The following KMT2E variants were observed in gnomAD, a reference collection of about 807,000 sequenced individuals.
The protein encoded by KMT2E is histone reader KMT2E.
A neutral mutation model predicts 184.6 loss-of-function variants in KMT2E; 30 were observed. That is an observed-to-expected ratio of 0.16 (90% CI 0.12 to 0.22). The LOEUF (loss-of-function observed/expected upper bound fraction) is 0.22, where lower values mean the gene tolerates loss of function less well. Ranked by LOEUF, KMT2E falls within the 10% of genes least tolerant of loss-of-function variation. The pLI, the probability that KMT2E is intolerant of heterozygous loss-of-function variation, is 1.00. For missense variants in KMT2E, 2,023 were observed against 2,237.4 expected, an observed-to-expected ratio of 0.90 and a Z score of 1.93; for synonymous variants, 815 against 776.5, an observed-to-expected ratio of 1.05 and a Z score of -0.82.
intron 6 of KMT2E, among the ~76,000 whole-genome samples, chr7:105,067,957 G>T (rs540818734): frequency 6.7e-4 from 102 of 152,296 alleles, no homozygotes; most frequent in Admixed American, 1.4e-3. Flanking sequence ...AGATGACAGA[G>T]TGAGAGCCTG....
chr7:105,063,635 A>C (rs1193837852), intron 5 of KMT2E, 55 bp downstream of exon 5: 2 of 1,200,892 alleles, frequency 1.7e-6, no homozygotes, highest in Non-Finnish European at 2.3e-6. Context: ...AACCTTTGGT[A>C]ATGTTGGAAA....
intron 1 of KMT2E, among the ~76,000 whole-genome samples, chr7:105,015,292 A>G (rs1054906763): frequency 1.3e-5 from 2 of 152,210 alleles, no homozygotes. Context: ...GATGAGAAAC[A>G]AACGGTTCAC....
chr7:105,045,048 CTAATTCCTG>C (rs1796042595), intron 3 of KMT2E, among the ~76,000 whole-genome samples: 1 of 152,214 alleles, frequency 6.6e-6, no homozygotes, highest in African/African-American at 2.4e-5. Flanking sequence ...ATCTGTTCCT[CTAATTCCTG>C]TAATTGGGCA....
At chr7:105,085,720 G>A (rs1277721636) in intron 13 of KMT2E, among the ~76,000 whole-genome samples, 5 of 146,590 alleles carry the variant, frequency 3.4e-5, no homozygotes, top group African/African-American at 5.1e-5. Flanking sequence ...GTCTCGCTCT[G>A]TCGCCTAGGA....
intron 15 of KMT2E, among the ~76,000 whole-genome samples, chr7:105,093,859 C>T (rs1399606562): frequency 1.3e-5 from 2 of 152,100 alleles, no homozygotes; most frequent in Non-Finnish European, 2.9e-5. Context: ...TATATTCTGT[C>T]ATCTGCCACT....
chr7:105,113,873 G>A lies in KMT2E; in HGVS notation c.*540G>A. ...TGTCTCCTGACAAACTGTAAATACTGCATTTCTTTTGCGTATATAATTGCT... is the reference window on the plus strand; with the variant it reads ...TGTCTCCTGACAAACTGTAAATACTACATTTCTTTTGCGTATATAATTGCT... On this transcript the variant is annotated 3_prime_UTR_variant, in exon 27 of 27. Coordinates refer to ENST00000311117, the MANE Select transcript of KMT2E (RefSeq NM_182931.3). 1 of 154,874 alleles carries A rather than the reference G, an allele frequency of 6.5e-6. No individual in the cohort carries two copies. The highest frequency in any genetic ancestry group is 1.5e-5 in the Non-Finnish European group (1 of 68,416). The allele number at this position is 154,874 out of a possible 1,614,324, so 9.6% of individuals were successfully genotyped here. A position where few individuals can be genotyped will look rare whatever the true frequency, so the allele number is the denominator to read the frequency against.
intron 1 of KMT2E, among the ~76,000 whole-genome samples, chr7:105,036,862 A>C (rs1180486106): frequency 1.3e-5 from 2 of 152,234 alleles, no homozygotes; most frequent in African/African-American, 4.8e-5. Context: ...CTGTTAATGT[A>C]ATTGTAAGAT....
In KMT2E at chr7:105,062,235, G is replaced by A; in HGVS notation, c.143G>A (p.Ser48Asn). The change falls in exon 4 of 27, where the codon AGC (serine) becomes AAC (asparagine). Residue 48 changes from serine (S) to asparagine (N), a missense_variant. Physicochemically the swap from Ser to Asn is conservative, Grantham distance 46. Coordinates refer to ENST00000311117, the MANE Select transcript of KMT2E (RefSeq NM_182931.3). ...AGTTATCCCCACCAGTTATATACCA[G>A]CAGCTCACATCATTCACACAGTTAC... ...SNSYPHQLYT[S>N]SSHHSHSYIG... The A allele has an allele frequency of 1.2e-6, 2 of 1,613,516 alleles. No homozygotes were observed. Among genetic ancestry groups the A allele is most frequent in the Non-Finnish European group, 1.7e-6 (2 of 1,179,612 alleles).
chr7:105,104,833 T>C (rs1470241574), intron 17 of KMT2E: 1 of 152,140 alleles, frequency 6.6e-6, no homozygotes, highest in Non-Finnish European at 1.5e-5. Flanking sequence ...AAATTTAGTG[T>C]GTTTAATAAA....
intron 3 of KMT2E, among the ~76,000 whole-genome samples, chr7:105,043,450 A>G (rs1318017955): frequency 6.6e-6 from 1 of 151,466 alleles, no homozygotes; most frequent in Non-Finnish European, 1.5e-5. Flanking sequence ...TTTAGCCGGG[A>G]TGGTCTCGAT....
Position 105,091,272 on chromosome 7 carries a change from A to G in KMT2E, c.1680A>G (p.Glu560=). ...AAACTCCTATTAGTAATGAAGTAGAAATGGAATCAGAGGAGCAGATTGCAG... is the reference window on the plus strand; with the variant it reads ...AAACTCCTATTAGTAATGAAGTAGAGATGGAATCAGAGGAGCAGATTGCAG... The part of the protein sequence containing the change: ...EEKTPISNEV[E]MESEEQIAER... The change falls in exon 15 of 27, where the codon GAA becomes GAG. Residue 560 remains glutamate (E), a synonymous_variant. Coordinates refer to ENST00000311117, the MANE Select transcript of KMT2E (RefSeq NM_182931.3). 1 of 1,607,474 alleles carries G rather than the reference A, an allele frequency of 6.2e-7. No individual in the cohort carries two copies.
At chr7:105,076,697 A>C (rs1022891918) in intron 9 of KMT2E, among the ~76,000 whole-genome samples, 2 of 152,214 alleles carry the variant, frequency 1.3e-5, no homozygotes, top group African/African-American at 2.4e-5. Context: ...TTTCTGGCTT[A>C]GGTAGAAAAG....
At chr7:105,035,105 C>A (rs576627712) in intron 1 of KMT2E, among the ~76,000 whole-genome samples, 3 of 149,680 alleles carry the variant, frequency 2.0e-5, no homozygotes, top group African/African-American at 7.4e-5. Context: ...GCTCACTGCA[C>A]GCTCCGCCTC....
At chr7:105,016,020 C>G (rs1794702955) in intron 1 of KMT2E, among the ~76,000 whole-genome samples, 1 of 151,406 alleles carries the variant, frequency 6.6e-6, no homozygotes, top group South Asian at 2.1e-4. Context: ...TGGTTTAATC[C>G]AACCATCTTT....
At chr7:105,017,420 T>G (rs1794760998) in intron 1 of KMT2E, among the ~76,000 whole-genome samples, 1 of 147,870 alleles carries the variant, frequency 6.8e-6, no homozygotes, top group African/African-American at 2.4e-5. Flanking sequence ...GTGGGTGGTT[T>G]TTTTTTGTTT....
chr7:105,019,896 C>G (rs189457683), intron 1 of KMT2E, among the ~76,000 whole-genome samples: 2 of 152,110 alleles, frequency 1.3e-5, no homozygotes, highest in Admixed American at 1.3e-4. Context: ...CATTTGAGGT[C>G]AGGAGTTTGA....
intron 1 of KMT2E, among the ~76,000 whole-genome samples, chr7:105,018,079 T>G (rs1794792362): frequency 6.6e-6 from 1 of 152,200 alleles, no homozygotes; most frequent in Non-Finnish European, 1.5e-5. Flanking sequence ...TTAGGGAAAT[T>G]ATAATTTCTT....
At chr7:105,076,848 C>A (rs1797544719) in intron 9 of KMT2E, 115 bp from the exon 10 acceptor site, 4 of 755,340 alleles carry the variant, frequency 5.3e-6, no homozygotes, top group Admixed American at 2.3e-5. Context: ...ATATTATGTT[C>A]TTTTGTATAG....
At chr7:105,022,304 CTT>C (rs1443347699) in intron 1 of KMT2E, among the ~76,000 whole-genome samples, 1 of 152,068 alleles carries the variant, frequency 6.6e-6, no homozygotes, top group African/African-American at 2.4e-5. Flanking sequence ...CCTTAAGTCT[CTT>C]TTAATCTGGA....
Sources: allele counts gnomAD v4.1 joint callset (sites outside exome capture counted in the v4.1 genomes callset), GRCh38; gene constraint gnomAD v4.1.1; transcripts MANE v1.5; gene names NCBI Gene and HGNC (gene_info 2026-07-23, HGNC 2026-07-21).